Variants in RCBTB2 observed in about 807,000 individuals in gnomAD.
RCBTB2 encodes RCC1 and BTB domain-containing protein 2.
Under a neutral mutation model 65.4 loss-of-function variants are expected in RCBTB2, and 55 were observed. That is an observed-to-expected ratio of 0.84 (90% CI 0.68 to 1.05). RCBTB2 has a LOEUF of 1.05. Among genes scored for constraint, RCBTB2 ranks in the 50% least tolerant of loss-of-function variants. The probability of loss-of-function intolerance (pLI) is 0.00; values close to 1 mark genes in which losing one functional copy is unlikely to be tolerated. For synonymous variants in RCBTB2, 220 were observed against 255.2 expected, an observed-to-expected ratio of 0.86 and a Z score of 1.31; for missense variants, 599 against 680.1, an observed-to-expected ratio of 0.88 and a Z score of 1.33.
chr13:48,496,154 T>G, intron 14 of RCBTB2, 37 bp downstream of exon 14: 1 of 1,421,546 alleles, frequency 7.0e-7, no homozygotes, highest in African/African-American at 1.4e-5. Flanking sequence ...GTTCCATTTC[T>G]CCAGGAGGCC....
intron 13 of RCBTB2, among the ~76,000 whole-genome samples, chr13:48,496,869 T>C: frequency 7.3e-6 from 1 of 137,568 alleles, no homozygotes; most frequent in African/African-American, 3.1e-5. Flanking sequence ...GGGAGACCCT[T>C]TCATGGACAC....
In RCBTB2 at chr13:48,512,909, G is replaced by C; in HGVS notation, c.350-14C>G. ...AGACTTCTCCTTCTGAAAATAAAAA[G>C]AAAGACAATCAGTTTTTTACAACAT... is the stretch of plus-strand genomic sequence containing the variant. On this transcript the variant is annotated splice_polypyrimidine_tract_variant and intron_variant, in intron 6 of 14. Coordinates refer to ENST00000344532, the MANE Select transcript of RCBTB2 (RefSeq NM_001268.4). 6.3e-7 allele frequency: 1 copy of C among 1,596,618 alleles called. No individual in the cohort carries two copies. The highest frequency in any genetic ancestry group is 8.5e-7 in the Non-Finnish European group (1 of 1,169,816).
chr13:48,523,706 G>A (rs1951550560), intron 2 of RCBTB2, among the ~76,000 whole-genome samples: 1 of 152,146 alleles, frequency 6.6e-6, no homozygotes, highest in Non-Finnish European at 1.5e-5. Context: ...GCCCCTCACT[G>A]CACTACCCTA....
intron 11 of RCBTB2, among the ~76,000 whole-genome samples, chr13:48,502,470 G>T (rs189229935): frequency 1.5e-4 from 23 of 152,088 alleles, no homozygotes; most frequent in Admixed American, 1.3e-3. Flanking sequence ...TCCAGCCTGG[G>T]CAACAGAGCA....
chr13:48,496,158 G>T, intron 14 of RCBTB2, 33 bp downstream of exon 14: 1 of 1,420,616 alleles, frequency 7.0e-7, no homozygotes, highest in Non-Finnish European at 9.3e-7. Flanking sequence ...CATTTCTCCA[G>T]GAGGCCGGCA....
At chr13:48,535,349 G>A (rs188356556), upstream of RCBTB2, among the ~76,000 whole-genome samples, 405 of 149,848 alleles carry the variant, frequency 2.7e-3, 4 homozygotes, top group South Asian at 0.014. Flanking sequence ...TCCACCTCCC[G>A]GGTTCAGGTG....
At position 48,512,137 on chromosome 13, in the gene RCBTB2, C is replaced by A. The variant is rs972761800; in HGVS notation, c.554G>T (p.Gly185Val). 28 of 1,614,152 alleles carry A rather than the reference C, an allele frequency of 1.7e-5. No individual in the cohort carries two copies. Among genetic ancestry groups the A allele is most frequent in the Non-Finnish European group, 2.4e-5 (28 of 1,179,976 alleles). ...TGGCTGATTAACTGTTGATCCAGAT[C>A]CTACCTGCCCAGAGTTATTATAACC... ...AWGYNNSGQV[G>V]SGSTVNQPIP... Residue 185 changes from glycine to valine, a missense_variant, in exon 8 of 15, where the codon GGA (glycine) becomes GTA (valine). By Grantham distance (109) the Gly-to-Val change is moderately radical. Coordinates refer to ENST00000344532, the MANE Select transcript of RCBTB2 (RefSeq NM_001268.4).
chr13:48,522,528 A>C, intron 2 of RCBTB2, 125 bp from the exon 3 acceptor site: 1 of 605,906 alleles, frequency 1.7e-6, no homozygotes, highest in Non-Finnish European at 2.9e-6. Context: ...GCAATGCACT[A>C]AATGTTCTTG....
chr13:48,523,675 G>T (rs1202295563), intron 2 of RCBTB2, among the ~76,000 whole-genome samples: 1 of 152,076 alleles, frequency 6.6e-6, no homozygotes, highest in Non-Finnish European at 1.5e-5. Flanking sequence ...AAAAAAGAAG[G>T]GACCAAGTAG....
At chr13:48,496,107 A>T (rs979730064) in intron 14 of RCBTB2, 84 bp downstream of exon 14, 5 of 1,267,268 alleles carry the variant, frequency 3.9e-6, no homozygotes, top group Non-Finnish European at 5.2e-6. Flanking sequence ...CTCTACCCAG[A>T]CTTTCTTTTA....
chr13:48,508,966 A>G (rs1950642491), intron 10 of RCBTB2, among the ~76,000 whole-genome samples: 1 of 152,188 alleles, frequency 6.6e-6, no homozygotes, highest in East Asian at 1.9e-4. Context: ...CTGGTGGGCA[A>G]TGACGGCAGA....
chr13:48,496,990 G>C (rs1593604650), intron 13 of RCBTB2, among the ~76,000 whole-genome samples: 1 of 152,214 alleles, frequency 6.6e-6, no homozygotes, highest in East Asian at 1.9e-4. Context: ...CTGACCTCAA[G>C]CCATTACAAG....
intron 14 of RCBTB2, among the ~76,000 whole-genome samples, chr13:48,495,106 C>A (rs1426270739): frequency 6.6e-6 from 1 of 152,014 alleles, no homozygotes; most frequent in Admixed American, 6.5e-5. Context: ...TTTTCTTTGA[C>A]CAAAGGAGAG....
intron 1 of RCBTB2, 63 bp downstream of exon 1, chr13:48,532,965 C>T (rs1952258164): frequency 6.6e-6 from 3 of 455,384 alleles, no homozygotes; most frequent in South Asian, 3.1e-5. Flanking sequence ...TGGTACCTGA[C>T]AGCATCCCAC....
chr13:48,528,507 A>G (rs770351905), intron 1 of RCBTB2, among the ~76,000 whole-genome samples: 4 of 152,146 alleles, frequency 2.6e-5, no homozygotes, highest in Non-Finnish European at 4.4e-5. Context: ...AAATTAAATA[A>G]TATCGATATC....
chr13:48,504,917 A>G (rs543317040), intron 10 of RCBTB2, among the ~76,000 whole-genome samples: 4 of 152,146 alleles, frequency 2.6e-5, no homozygotes, highest in Admixed American at 2.6e-4. Context: ...CGGTAATCTC[A>G]CTGACTTATT....
intron 4 of RCBTB2, among the ~76,000 whole-genome samples, chr13:48,516,417 CT>C (rs1951091633): frequency 6.6e-6 from 1 of 152,184 alleles, no homozygotes; most frequent in South Asian, 2.1e-4. Flanking sequence ...GAAGTCCAAA[CT>C]CAAGGTATCA....
At chr13:48,524,157 A>G (rs1951577408) in intron 2 of RCBTB2, among the ~76,000 whole-genome samples, 1 of 152,188 alleles carries the variant, frequency 6.6e-6, no homozygotes, top group Admixed American at 6.5e-5. Flanking sequence ...ATAATAAAGA[A>G]AACTATCATC....
rs1950150497 is a variant in RCBTB2, at chr13:48,499,774, G to A, written c.1245-14C>T. ...AAATGCTCACATCTGAAGGAAAAAA[G>A]CAGTATGTCAGGTCCTAGCTTCCCA... is the stretch of plus-strand genomic sequence containing the variant. On this transcript the variant is annotated splice_polypyrimidine_tract_variant and intron_variant, in intron 12 of 14. Coordinates refer to ENST00000344532, the MANE Select transcript of RCBTB2 (RefSeq NM_001268.4). 6.2e-7 allele frequency: 1 copy of A among 1,614,030 alleles called. No homozygotes were observed. Among genetic ancestry groups the A allele is most frequent in the Non-Finnish European group, 8.5e-7 (1 of 1,179,936 alleles).
Sources: allele counts gnomAD v4.1 joint callset (sites outside exome capture counted in the v4.1 genomes callset), GRCh38; gene constraint gnomAD v4.1.1; transcripts MANE v1.5; gene names NCBI Gene and HGNC (gene_info 2026-07-23, HGNC 2026-07-21).